The following ADAMTS12 variants were observed in gnomAD, a reference collection of about 807,000 sequenced individuals.
The protein encoded by ADAMTS12 is ADAM metallopeptidase with thrombospondin type 1 motif 12, also known as A disintegrin and metalloproteinase with thrombospondin motifs 12.
Under a neutral mutation model 167.8 loss-of-function variants are expected in ADAMTS12, and 118 were observed. That is an observed-to-expected ratio of 0.70 (90% CI 0.61 to 0.82). ADAMTS12 has a LOEUF of 0.82. Among genes scored for constraint, ADAMTS12 ranks in the 40% least tolerant of loss-of-function variants. The pLI is 0.00. For synonymous variants in ADAMTS12, 704 were observed against 716.9 expected (o/e 0.98, Z 0.29); for missense variants, 1,916 against 1,998.8 (o/e 0.96, Z 0.79).
intron 13 of ADAMTS12, among the ~76,000 whole-genome samples, chr5:33,628,501 C>A (rs192359483): frequency 9.2e-5 from 14 of 152,094 alleles, no homozygotes; most frequent in African/African-American, 3.1e-4. Context: ...ATTTCCTTGA[C>A]AATAGAATCT....
At chr5:33,825,847 C>T (rs1748045341) in intron 2 of ADAMTS12, among the ~76,000 whole-genome samples, 1 of 152,166 alleles carries the variant, frequency 6.6e-6, no homozygotes, top group African/African-American at 2.4e-5. Flanking sequence ...GGAGACCTTG[C>T]TAGCAGTATT....
intron 3 of ADAMTS12, among the ~76,000 whole-genome samples, chr5:33,709,194 C>A (rs1167486204): frequency 6.6e-6 from 1 of 152,082 alleles, no homozygotes; most frequent in Non-Finnish European, 1.5e-5. Context: ...ATTACAAAAT[C>A]AAGAAACAAC....
chr5:33,684,114 T>C, intron 3 of ADAMTS12, 59 bp from the exon 4 acceptor site: 3 of 1,229,532 alleles, frequency 2.4e-6, no homozygotes, highest in Non-Finnish European at 3.2e-6. Flanking sequence ...TATTATCTAC[T>C]TATGTTAGTA....
intron 19 of ADAMTS12, among the ~76,000 whole-genome samples, chr5:33,571,025 C>G (rs1004250350): frequency 2.6e-5 from 4 of 151,990 alleles, no homozygotes; most frequent in African/African-American, 4.8e-5. Flanking sequence ...GTAAAGGGAT[C>G]AATTCAACAA....
At chr5:33,751,962 T>C (rs1745003410) in intron 2 of ADAMTS12, among the ~76,000 whole-genome samples, 1 of 152,234 alleles carries the variant, frequency 6.6e-6, no homozygotes, top group Non-Finnish European at 1.5e-5. Context: ...TTAGAACATT[T>C]ACCTGCATGG....
intron 3 of ADAMTS12, among the ~76,000 whole-genome samples, chr5:33,696,301 G>A (rs1345861492): frequency 6.6e-6 from 1 of 151,090 alleles, no homozygotes; most frequent in Non-Finnish European, 1.5e-5. Context: ...GGCGCCTGTA[G>A]TCCCAGCTAC....
At chr5:33,834,279 C>T (rs766706217) in intron 2 of ADAMTS12, among the ~76,000 whole-genome samples, 19 of 152,164 alleles carry the variant, frequency 1.2e-4, no homozygotes, top group Non-Finnish European at 2.4e-4. Flanking sequence ...AATCACAATA[C>T]AGTCCATAAC....
At chr5:33,818,445 T>C (rs574820641) in intron 2 of ADAMTS12, among the ~76,000 whole-genome samples, 1 of 152,250 alleles carries the variant, frequency 6.6e-6, no homozygotes, top group South Asian at 2.1e-4. Context: ...CTGAATTGTA[T>C]TCCATATATA....
intron 2 of ADAMTS12, among the ~76,000 whole-genome samples, chr5:33,841,739 G>C (rs1748751751): frequency 6.6e-6 from 1 of 152,126 alleles, no homozygotes; most frequent in African/African-American, 2.4e-5. Context: ...CCCATCAATG[G>C]GACTGCTATG....
chr5:33,535,004 G>A lies in ADAMTS12; in HGVS notation c.4447-12C>T, dbSNP rs1010869626. ...CAGGAAGTGGAACACTGAAAGAGAA[G>A]GTGAACAGAGAGTCAGAAGTCCTCC... On this transcript the variant is annotated splice_polypyrimidine_tract_variant and intron_variant, in intron 22 of 23. Coordinates refer to ENST00000504830, the MANE Select transcript of ADAMTS12 (RefSeq NM_030955.4). 5.0e-6 allele frequency: 8 copies of A among 1,589,088 alleles called. No homozygotes were observed. Among genetic ancestry groups the A allele is most frequent in the Admixed American group, 1.8e-5 (1 of 54,552 alleles).
chr5:33,820,789 G>T (rs1387404826), intron 2 of ADAMTS12, among the ~76,000 whole-genome samples: 1 of 152,176 alleles, frequency 6.6e-6, no homozygotes, highest in Non-Finnish European at 1.5e-5. Context: ...ATATTATGCA[G>T]CATGAAAAAG....
At chr5:33,732,887 T>C (rs568236153) in intron 3 of ADAMTS12, among the ~76,000 whole-genome samples, 3 of 152,198 alleles carry the variant, frequency 2.0e-5, no homozygotes, top group East Asian at 1.9e-4. Flanking sequence ...TAAATAAATT[T>C]TGATTTCATT....
At chr5:33,565,842 G>A (rs940633357) in intron 19 of ADAMTS12, among the ~76,000 whole-genome samples, 1 of 152,098 alleles carries the variant, frequency 6.6e-6, no homozygotes, top group Non-Finnish European at 1.5e-5. Flanking sequence ...TAGTTGATGC[G>A]TACTTCATTT....
At position 33,631,532 on chromosome 5, in the gene ADAMTS12, TGGTCCTACACTGAATCCATTCTAA is replaced by T. The variant is rs1321222183; in HGVS notation, c.1889-643_1889-620del. ...ATCATAGTGATCCATCCCATCATCTTGGTCCTACACTGAATCCATTCTAAGGTTCAGTTTTCTACTCCATTGTGA... is the reference window on the plus strand; with the variant it reads ...ATCATAGTGATCCATCCCATCATCTTGGTTCAGTTTTCTACTCCATTGTGA... On this transcript the variant is annotated intron_variant, in intron 12 of 23. Transcript: ENST00000504830. Among the ~76,000 whole-genome samples, 6 of 152,324 alleles carry T rather than the reference TGGTCCTACACTGAATCCATTCTAA, an allele frequency of 3.9e-5. No homozygotes were observed. In the East Asian group the frequency reaches 1.2e-3, roughly 29 times the overall value.
chr5:33,761,117 T>C (rs958642112), intron 2 of ADAMTS12, among the ~76,000 whole-genome samples: 3 of 151,974 alleles, frequency 2.0e-5, no homozygotes, highest in African/African-American at 7.3e-5. Context: ...AAAAAGCCAT[T>C]ATGGCGGATT....
intron 21 of ADAMTS12, 58 bp downstream of exon 21, chr5:33,549,149 A>C (rs1745125698): frequency 3.8e-6 from 6 of 1,573,568 alleles, no homozygotes; most frequent in Non-Finnish European, 5.2e-6. Context: ...GCAGTAACAC[A>C]GAGATTCATG....
intron 19 of ADAMTS12, among the ~76,000 whole-genome samples, chr5:33,573,150 A>C (rs1416620088): frequency 6.6e-6 from 1 of 152,134 alleles, no homozygotes; most frequent in Non-Finnish European, 1.5e-5. Context: ...GGAAGAATCA[A>C]TATCGTGAAA....
intron 13 of ADAMTS12, among the ~76,000 whole-genome samples, chr5:33,630,184 C>T (rs2112143000): frequency 6.6e-6 from 1 of 152,294 alleles, no homozygotes; most frequent in Non-Finnish European, 1.5e-5. Flanking sequence ...ATCACAAGTC[C>T]TGCTCCTCAG....
At chr5:33,770,105 T>C (rs901865353) in intron 2 of ADAMTS12, among the ~76,000 whole-genome samples, 1 of 152,296 alleles carries the variant, frequency 6.6e-6, no homozygotes, top group East Asian at 1.9e-4. Context: ...TCACCATCCA[T>C]GGACAGCATG....
Sources: gnomAD v4.1 joint callset for allele counts (sites outside exome capture counted in the v4.1 genomes callset) on GRCh38, gnomAD v4.1.1 for gene constraint, MANE v1.5 for transcripts, NCBI Gene and HGNC (gene_info 2026-07-23, HGNC 2026-07-21) for gene names.